The following PMM2 variants were observed in gnomAD, a reference collection of about 807,000 sequenced individuals.
The protein encoded by PMM2 is mannose-6-phosphate isomerase.
In PMM2, 35 loss-of-function variants were observed where a neutral mutation model predicts 33.2. The ratio of observed to expected loss-of-function variants is 1.06; its 90% CI spans 0.81 to 1.40. The LOEUF is 1.40. Among genes scored for constraint, PMM2 ranks in the 40% most tolerant of loss-of-function variants. The pLI is 0.00. For missense variants in PMM2, 386 were observed against 306.0 expected, an observed-to-expected ratio of 1.26 and a Z score of -1.95; for synonymous variants, 153 against 114.7, an observed-to-expected ratio of 1.33 and a Z score of -2.13.
At chr16:8,846,813 G>C (rs1198596981) in intron 7 of PMM2, among the ~76,000 whole-genome samples, 1 of 152,186 alleles carries the variant, frequency 6.6e-6, no homozygotes, top group Non-Finnish European at 1.5e-5. Context: ...CAGGCCACCT[G>C]TTCCAGAGAC....
At chr16:8,819,346 G>A (rs116008937) in intron 7 of PMM2, among the ~76,000 whole-genome samples, 1,632 of 152,270 alleles carry the variant, frequency 0.011, 42 homozygotes, top group African/African-American at 0.037. Flanking sequence ...CTACATTTTT[G>A]TCTAAAGAGG....
chr16:8,812,938 C>T (rs910494250), intron 6 of PMM2, 53 bp from the exon 7 acceptor site: 142 of 981,178 alleles, frequency 1.4e-4, no homozygotes, highest in Non-Finnish European at 2.1e-4. Flanking sequence ...AGTGACATAT[C>T]ATTAGCCCCT....
rs1235355736 is a variant in PMM2, at chr16:8,802,535, A to G, written c.178+625A>G. The stretch of plus-strand genomic sequence containing the variant: ...CACAGGGCCTCCTGGCCTGTAAGAA[A>G]TTGTAAGTGGATGCCAGGCGCGGTG... On this transcript the variant is annotated intron_variant, in intron 2 of 7. Coordinates refer to ENST00000268261, the MANE Select transcript of PMM2 (RefSeq NM_000303.3). 1.2e-5 allele frequency: 3 copies of G among 257,600 alleles called. No homozygotes were observed. The East Asian group carries it at 3.0e-4, about 26-fold the overall frequency. 16.0% of individuals were successfully genotyped at this position (257,600 alleles called of 1,614,324 possible).
chr16:8,818,705 C>G (rs930000307), intron 7 of PMM2, among the ~76,000 whole-genome samples: 2 of 152,178 alleles, frequency 1.3e-5, no homozygotes, highest in African/African-American at 4.8e-5. Context: ...AACTCGAGAG[C>G]AGAGTGAGGA....
chr16:8,831,601 C>T (rs1046116644), intron 7 of PMM2, among the ~76,000 whole-genome samples: 3 of 152,220 alleles, frequency 2.0e-5, no homozygotes, highest in African/African-American at 4.8e-5. Flanking sequence ...GGCATCCACA[C>T]AGCACACACC....
intron 7 of PMM2, among the ~76,000 whole-genome samples, chr16:8,845,566 T>C (rs1596508328): frequency 6.6e-6 from 1 of 151,920 alleles, no homozygotes; most frequent in South Asian, 2.1e-4. Context: ...TGAGAGTTGG[T>C]TGTGCCTTTG....
At chr16:8,810,811 ACAAAGT>A in intron 4 of PMM2, 2 of 490,712 alleles carry the variant, frequency 4.1e-6, no homozygotes, top group Non-Finnish European at 7.4e-6. Flanking sequence ...GCATTTTAAC[ACAAAGT>A]CAATATACAA....
intron 7 of PMM2, among the ~76,000 whole-genome samples, chr16:8,842,851 G>A (rs574070460): frequency 2.6e-5 from 4 of 152,220 alleles, no homozygotes; most frequent in African/African-American, 9.6e-5. Context: ...GTTGAGCGGG[G>A]TAAGGGTGAT....
In PMM2 at chr16:8,827,772, A is replaced by T. The variant is rs1372131501; in HGVS notation, c.639+14666A>T. ...TATATATATATATATGCACACATTTATATATATATATTTATATATATTTAT... is the reference window on the plus strand; with the variant it reads ...TATATATATATATATGCACACATTTTTATATATATATTTATATATATTTAT... On this transcript the variant is annotated intron_variant, in intron 7 of 7. Transcript: ENST00000268261. Among the ~76,000 whole-genome samples, 56 of 54,076 alleles carry T rather than the reference A, an allele frequency of 1.0e-3. 1 individual carries two copies. Among genetic ancestry groups the T allele is most frequent in the South Asian group, 2.1e-3 (3 of 1,442 alleles). The allele number at this position is 54,076 out of a possible 152,430, so 35.5% of individuals were successfully genotyped here.
rs1209724849 is a variant in PMM2, at chr16:8,804,801, T to C, written c.213T>C (p.Asn71=). The part of the protein sequence containing the change: ...VEKYDYVFPE[N]GLVAYKDGKL... ...AATACGATTATGTGTTTCCAGAAAA[T>C]GGCTTGGTAGCATACAAAGATGGGA... Residue 71 remains asparagine (N), a synonymous_variant, in exon 3 of 8, where the codon AAT becomes AAC. Coordinates refer to ENST00000268261, the MANE Select transcript of PMM2 (RefSeq NM_000303.3). 2 of 1,613,394 alleles carry C rather than the reference T, an allele frequency of 1.2e-6. No homozygotes were observed. The highest frequency in any genetic ancestry group is 1.7e-6 in the Non-Finnish European group (2 of 1,179,458).
intron 1 of PMM2, among the ~76,000 whole-genome samples, chr16:8,798,342 A>G (rs1339554340): frequency 1.3e-5 from 2 of 152,182 alleles, no homozygotes; most frequent in Non-Finnish European, 2.9e-5. Context: ...TATTAAAAAC[A>G]GGTTTCCAGG....
chr16:8,804,848 G>A lies in PMM2; in HGVS notation c.255+5G>A. The A allele has an allele frequency of 1.3e-6, 2 of 1,578,264 alleles. No homozygotes were observed. Among genetic ancestry groups the A allele is most frequent in the Non-Finnish European group, 1.7e-6 (2 of 1,147,404 alleles). ...GGGAAACTCTTGTGTAGACAGGTAG[G>A]TTCTTGAGTATCTGAATTACTATAT... On this transcript the variant is annotated splice_donor_5th_base_variant and intron_variant, in intron 3 of 7. Coordinates refer to ENST00000268261, the MANE Select transcript of PMM2 (RefSeq NM_000303.3).
intron 7 of PMM2, among the ~76,000 whole-genome samples, chr16:8,843,851 C>T (rs1428431898): frequency 6.7e-6 from 1 of 150,224 alleles, no homozygotes; most frequent in South Asian, 2.1e-4. Context: ...GAATTGGAAC[C>T]TAGCTCGGCC....
intron 2 of PMM2, 93 bp from the exon 3 acceptor site, chr16:8,804,674 T>G (rs748008886): frequency 7.3e-5 from 60 of 818,044 alleles, no homozygotes; most frequent in Non-Finnish European, 1.2e-4. Context: ...TGCTGGAGTT[T>G]AGCGGTTTTA....
chr16:8,818,403 A>C (rs1297224119), intron 7 of PMM2, among the ~76,000 whole-genome samples: 4 of 152,244 alleles, frequency 2.6e-5, no homozygotes, highest in African/African-American at 9.6e-5. Context: ...CAGTCCAGCC[A>C]TGTAAACCTT....
intron 7 of PMM2, among the ~76,000 whole-genome samples, chr16:8,824,255 G>A (rs552558389): frequency 2.0e-5 from 3 of 152,234 alleles, no homozygotes; most frequent in African/African-American, 7.2e-5. Context: ...CCATTCCAAT[G>A]GCACAATTTG....
chr16:8,834,899 T>C (rs1005888151), intron 7 of PMM2, among the ~76,000 whole-genome samples: 85 of 152,184 alleles, frequency 5.6e-4, no homozygotes, highest in African/African-American at 2.0e-3. Context: ...TCAGGAATAA[T>C]GTGGGAGGCC....
At chr16:8,822,069 T>C (rs1359436541) in intron 7 of PMM2, among the ~76,000 whole-genome samples, 1 of 152,210 alleles carries the variant, frequency 6.6e-6, no homozygotes, top group African/African-American at 2.4e-5. Flanking sequence ...ACTGGAGTTT[T>C]ATTATTCCTC....
chr16:8,813,513 A>G (rs1197701865), intron 7 of PMM2, among the ~76,000 whole-genome samples: 2 of 152,260 alleles, frequency 1.3e-5, no homozygotes, highest in African/African-American at 4.8e-5. Context: ...GCCATGAACG[A>G]TGGGAGGATA....
Sources: allele counts gnomAD v4.1 joint callset (sites outside exome capture counted in the v4.1 genomes callset), GRCh38; gene constraint gnomAD v4.1.1; transcripts MANE v1.5; gene names NCBI Gene and HGNC (gene_info 2026-07-23, HGNC 2026-07-21).